Variants in KLHDC4 observed in about 807,000 individuals in gnomAD.
KLHDC4 encodes kelch domain containing 4.
In KLHDC4, 90 loss-of-function variants were observed where a neutral mutation model predicts 62.4. The ratio of observed to expected loss-of-function variants is 1.44; its 90% confidence interval spans 1.22 to 1.72. The LOEUF is 1.72. Ranked by LOEUF, KLHDC4 falls within the 40% of genes most tolerant of loss-of-function variation. KLHDC4 has a pLI of 0.00. For missense variants in KLHDC4, 1,025 were observed against 699.7 expected, an observed-to-expected ratio of 1.47 and a Z score of -5.25; for synonymous variants, 386 against 284.4, an observed-to-expected ratio of 1.36 and a Z score of -3.59.
downstream of KLHDC4, among the ~76,000 whole-genome samples, chr16:87,707,171 G>A (rs1251661626): frequency 2.0e-5 from 3 of 152,222 alleles, no homozygotes; most frequent in Non-Finnish European, 4.4e-5. Context: ...TTCAGTCTTG[G>A]ACTGGAGCAG....
At chr16:87,720,523 G>T (rs891479600) in intron 7 of KLHDC4, among the ~76,000 whole-genome samples, 1 of 152,062 alleles carries the variant, frequency 6.6e-6, no homozygotes, top group Non-Finnish European at 1.5e-5. Context: ...AACCACAGGT[G>T]ATGAGCCCCT....
chr16:87,716,489 A>T (rs937916309), intron 7 of KLHDC4, among the ~76,000 whole-genome samples: 3 of 152,078 alleles, frequency 2.0e-5, no homozygotes, highest in African/African-American at 7.2e-5. Context: ...TGTGACTTGC[A>T]CCATCTTTGT....
chr16:87,758,354 G>C (rs1178075901), intron 2 of KLHDC4, among the ~76,000 whole-genome samples: 5 of 152,224 alleles, frequency 3.3e-5, no homozygotes, highest in Non-Finnish European at 7.3e-5. Context: ...CATACCCACA[G>C]ACGGAACAGG....
chr16:87,738,998 TCATC>T (rs750816029), intron 5 of KLHDC4, among the ~76,000 whole-genome samples: 2 of 28,862 alleles, frequency 6.9e-5, no homozygotes, highest in African/African-American at 3.4e-4. Context: ...CACCAGCACC[TCATC>T]CATCCACACA....
Position 87,709,296 on chromosome 16 carries a change from C to A in KLHDC4, c.1416G>T (p.Glu472Asp). The A allele has an allele frequency of 6.2e-7, 1 of 1,613,002 alleles. No individual in the cohort carries two copies. Among genetic ancestry groups the A allele is most frequent in the Non-Finnish European group, 8.5e-7 (1 of 1,179,916 alleles). The change falls in exon 10 of 12, where the codon GAG (glutamate) becomes GAT (aspartate). Residue 472 changes from glutamate to aspartate, a missense_variant. Physicochemically the swap from Glu to Asp is conservative, Grantham distance 45. Coordinates refer to ENST00000270583, the MANE Select transcript of KLHDC4 (RefSeq NM_017566.4). ...DLHCLDLHRM[E>D]AWKALVEMDP... is the part of the protein sequence containing the mutation. ...CCATCTCCACCAAGGCCTTCCACGCCTCCATCCTGTGCAGGTCCAGGCAGT... is the reference window on the plus strand; with the variant it reads ...CCATCTCCACCAAGGCCTTCCACGCATCCATCCTGTGCAGGTCCAGGCAGT...
At position 87,709,619 on chromosome 16, in the gene KLHDC4, G is replaced by A; in HGVS notation, c.1093C>T (p.Pro365Ser). Residue 365 changes from proline (P) to serine (S), a missense_variant, in exon 10 of 12, where the codon CCC becomes TCC. Physicochemically the swap from Pro to Ser is moderately conservative, Grantham distance 74. Transcript: ENST00000270583. The stretch of plus-strand genomic sequence containing the variant: ...CACGCCGGCCTGCTACCACCTTCGG[G>A]CTCCTCTTTTCTGCCCCGCCTGCGT... ...KKRRRGRKEEPEGGSRPACGG... is the reference protein window; with the variant it reads ...KKRRRGRKEESEGGSRPACGG... 6.2e-7 allele frequency: 1 copy of A among 1,609,506 alleles called. No homozygotes were observed. Among genetic ancestry groups the A allele is most frequent in the Non-Finnish European group, 8.5e-7 (1 of 1,178,060 alleles).
downstream of KLHDC4, among the ~76,000 whole-genome samples, chr16:87,704,608 G>C (rs2034447211): frequency 6.6e-6 from 1 of 150,680 alleles, no homozygotes; most frequent in East Asian, 2.0e-4. Context: ...GAGGCGCCTG[G>C]GGAGGGTCCT....
intron 8 of KLHDC4, among the ~76,000 whole-genome samples, chr16:87,712,842 G>T (rs1032091462): frequency 1.3e-5 from 2 of 152,204 alleles, no homozygotes; most frequent in African/African-American, 4.8e-5. Context: ...AAGCAGACCT[G>T]GCCTAGGCAT....
intron 9 of KLHDC4, chr16:87,709,880 T>A: frequency 1.7e-6 from 1 of 603,800 alleles, no homozygotes; most frequent in East Asian, 2.8e-5. Context: ...CGTTCACTCC[T>A]GGGCTGGGGC....
At chr16:87,740,186 C>G (rs2042032300) in intron 5 of KLHDC4, among the ~76,000 whole-genome samples, 1 of 152,156 alleles carries the variant, frequency 6.6e-6, no homozygotes, top group South Asian at 2.1e-4. Context: ...GCAGGCAGAC[C>G]TAACCAAACT....
chr16:87,745,726 G>A (rs1314869480), intron 5 of KLHDC4, among the ~76,000 whole-genome samples: 4 of 152,156 alleles, frequency 2.6e-5, no homozygotes, highest in Non-Finnish European at 5.9e-5. Context: ...CATGGGGACA[G>A]TCAAGGCGCC....
rs192092339 is a variant in KLHDC4, at chr16:87,733,169, G to A, written c.507-2525C>T. 4.6e-5 allele frequency among the ~76,000 whole-genome samples: 7 copies of A among 152,078 alleles called. No individual in the cohort carries two copies. In the East Asian group the frequency reaches 9.7e-4, roughly 21 times the overall value. On this transcript the variant is annotated intron_variant, in intron 5 of 11. Coordinates refer to ENST00000270583, the MANE Select transcript of KLHDC4 (RefSeq NM_017566.4). ...AAATCCTATCCCAGCTTCTACAGGTGAAAAGGCAGGTGCAAAGCAAATCCT... is the reference window on the plus strand; with the variant it reads ...AAATCCTATCCCAGCTTCTACAGGTAAAAAGGCAGGTGCAAAGCAAATCCT...
chr16:87,764,830 C>CAAAAAA (rs35356541), intron 1 of KLHDC4, among the ~76,000 whole-genome samples: 1 of 80,498 alleles, frequency 1.2e-5, no homozygotes, highest in Non-Finnish European at 2.6e-5. Context: ...AAGACTCTGT[C>CAAAAAA]AAAAAAAAAA....
At chr16:87,747,965 G>A (rs528925657) in intron 5 of KLHDC4, among the ~76,000 whole-genome samples, 1 of 152,336 alleles carries the variant, frequency 6.6e-6, no homozygotes, top group African/African-American at 2.4e-5. Context: ...TGTGCGTAAT[G>A]GTGGGTCATG....
At chr16:87,751,285 C>T (rs573372695) in intron 4 of KLHDC4, among the ~76,000 whole-genome samples, 59 of 152,154 alleles carry the variant, frequency 3.9e-4, no homozygotes, top group African/African-American at 1.4e-3. Context: ...ACCAGCCTGA[C>T]CAACATGGTG....
intron 4 of KLHDC4, among the ~76,000 whole-genome samples, chr16:87,753,820 A>AG (rs1291562591): frequency 6.6e-6 from 1 of 151,398 alleles, no homozygotes; most frequent in African/African-American, 2.4e-5. Flanking sequence ...AAAAAAAAAA[A>AG]AAATTAGCCA....
At chr16:87,701,663 C>T (rs1421122395) in exon 1 of KLHDC4, 4 of 455,952 alleles carry the variant, frequency 8.8e-6, no homozygotes, top group South Asian at 6.2e-5. Flanking sequence ...CCGCCTCGTC[C>T]ACTCCTGGCA....
rs112664352 is a variant in KLHDC4, at chr16:87,726,756, C to A, written c.759+9G>T. The A allele has an allele frequency of 2.8e-4, 440 of 1,546,140 alleles. 1 individual carries two copies. The African/African-American group carries it at 4.9e-3, about 17-fold the overall frequency. On this transcript the variant is annotated intron_variant, in intron 7 of 11. Transcript: ENST00000270583. ...CACGCCTTGCCTGTTTCCCCACCCCCCGCCTTACCTGTTTCGAGTAGCCCC... is the reference window on the plus strand; with the variant it reads ...CACGCCTTGCCTGTTTCCCCACCCCACGCCTTACCTGTTTCGAGTAGCCCC...
intron 6 of KLHDC4, among the ~76,000 whole-genome samples, chr16:87,729,942 C>T (rs1248273605): frequency 6.6e-6 from 1 of 152,126 alleles, no homozygotes; most frequent in African/African-American, 2.4e-5. Flanking sequence ...TTTGAGAATC[C>T]CATTTTATTT....
Sources: gnomAD v4.1 joint callset for allele counts (sites outside exome capture counted in the v4.1 genomes callset) on GRCh38, gnomAD v4.1.1 for gene constraint, MANE v1.5 for transcripts, NCBI Gene and HGNC (gene_info 2026-07-23, HGNC 2026-07-21) for gene names.